The following PCDH15 variants were observed in gnomAD, a reference collection of about 807,000 sequenced individuals.
PCDH15 encodes protocadherin-15.
PCDH15 carries 129 observed loss-of-function variants against 178.5 expected under a neutral mutation model. The observed-to-expected ratio is 0.72, with a 90% CI of 0.63 to 0.84. The LOEUF is 0.84. Among genes scored for constraint, PCDH15 ranks in the 40% least tolerant of loss-of-function variants. The pLI is 0.00. For synonymous variants in PCDH15, 800 were observed against 732.0 expected, an observed-to-expected ratio of 1.09 and a Z score of -1.50; for missense variants, 2,230 against 2,099.9, an observed-to-expected ratio of 1.06 and a Z score of -1.21.
chr10:55,281,583 A>G (rs1842734707), intron 1 of PCDH15, among the ~76,000 whole-genome samples: 1 of 151,662 alleles, frequency 6.6e-6, no homozygotes, highest in Admixed American at 6.6e-5. Flanking sequence ...TTTAACTCTT[A>G]TTTTTTCACA....
intron 2 of PCDH15, among the ~76,000 whole-genome samples, chr10:55,125,273 T>G (rs1837870876): frequency 1.3e-5 from 2 of 151,678 alleles, no homozygotes; most frequent in African/African-American, 2.4e-5. Flanking sequence ...GTACCATTAC[T>G]GCATCTGAAG....
At chr10:54,631,981 T>C (rs893758753) in intron 2 of PCDH15, among the ~76,000 whole-genome samples, 2 of 152,016 alleles carry the variant, frequency 1.3e-5, no homozygotes, top group African/African-American at 4.8e-5. Context: ...CAATTCAAAA[T>C]GAGATTTTGG....
intron 3 of PCDH15, among the ~76,000 whole-genome samples, chr10:54,439,016 C>T (rs1253249857): frequency 6.6e-6 from 1 of 151,984 alleles, no homozygotes; most frequent in East Asian, 1.9e-4. Flanking sequence ...AAAGACTTAA[C>T]TATTCTTCTG....
At chr10:54,517,408 A>G (rs1201349385) in intron 3 of PCDH15, among the ~76,000 whole-genome samples, 4 of 152,190 alleles carry the variant, frequency 2.6e-5, no homozygotes, top group African/African-American at 9.7e-5. Flanking sequence ...AGGAGTTGCA[A>G]TCCTAGTCTC....
intron 15 of PCDH15, among the ~76,000 whole-genome samples, chr10:54,127,836 T>A (rs1443682920): frequency 6.6e-6 from 1 of 152,228 alleles, no homozygotes; most frequent in Non-Finnish European, 1.5e-5. Context: ...GTAGCTGGCT[T>A]CATCAATGAT....
At chr10:53,823,416 G>A (rs1454116382) in intron 32 of PCDH15, 2 of 1,487,524 alleles carry the variant, frequency 1.3e-6, no homozygotes, top group Non-Finnish European at 9.4e-7. Flanking sequence ...CAGCTTTCAT[G>A]AGAAAGATGT....
chr10:55,489,825 C>T (rs1840373868), intron 2 of PCDH15, among the ~76,000 whole-genome samples: 1 of 151,458 alleles, frequency 6.6e-6, no homozygotes, highest in African/African-American at 2.4e-5. Context: ...AACAAGTAAA[C>T]AATTTTAAAA....
At chr10:54,109,467 A>C (rs10825233) in intron 15 of PCDH15, among the ~76,000 whole-genome samples, 48,657 of 152,122 alleles carry the variant, frequency 0.32, 8,994 homozygotes, top group East Asian at 0.87. Context: ...TTGTGTATGC[A>C]TCCACAATGG....
chr10:55,173,154 A>G (rs1839385291), intron 1 of PCDH15, among the ~76,000 whole-genome samples: 1 of 151,976 alleles, frequency 6.6e-6, no homozygotes, highest in South Asian at 2.1e-4. Context: ...AACACTTTAG[A>G]ATTCCTTGCC....
intron 2 of PCDH15, among the ~76,000 whole-genome samples, chr10:55,370,733 T>C (rs1259227790): frequency 6.6e-6 from 1 of 152,152 alleles, no homozygotes; most frequent in African/African-American, 2.4e-5. Flanking sequence ...TAAGCCACAG[T>C]TGCTGAGCAG....
intron 4 of PCDH15, among the ~76,000 whole-genome samples, chr10:54,374,965 C>A (rs898304916): frequency 3.9e-5 from 6 of 151,960 alleles, no homozygotes; most frequent in Non-Finnish European, 7.4e-5. Context: ...TCTATTACAG[C>A]CATAATTATT....
At chr10:54,374,262 A>T (rs1274884455) in intron 4 of PCDH15, among the ~76,000 whole-genome samples, 4 of 152,080 alleles carry the variant, frequency 2.6e-5, no homozygotes, top group Non-Finnish European at 1.5e-5. Flanking sequence ...TTGAATGGAC[A>T]CTGGCCTGGG....
Position 54,026,819 on chromosome 10 carries a change from C to T in PCDH15, c.2221-3622G>A, listed in dbSNP as rs999544898. Among the ~76,000 whole-genome samples, 3 of 152,132 alleles carry T rather than the reference C, an allele frequency of 2.0e-5. No homozygotes were observed. In the East Asian group the frequency reaches 5.8e-4, roughly 29 times the overall value. On this transcript the variant is annotated intron_variant, in intron 18 of 37. Coordinates refer to ENST00000644397, the MANE Select transcript of PCDH15 (RefSeq NM_001384140.1). The stretch of plus-strand genomic sequence containing the variant: ...ATAATAAGAGCTATCTATGACAAAC[C>T]CACAGCCAGTATCATACTGAATGGG...
chr10:54,944,122 G>A (rs865891024), intron 2 of PCDH15, among the ~76,000 whole-genome samples: 5 of 151,838 alleles, frequency 3.3e-5, no homozygotes, highest in Non-Finnish European at 5.9e-5. Flanking sequence ...AAGCAAAGTG[G>A]GTGGCTGACA....
intron 1 of PCDH15, among the ~76,000 whole-genome samples, chr10:54,769,337 A>T (rs1434826131): frequency 1.9e-4 from 26 of 136,794 alleles, no homozygotes; most frequent in East Asian, 2.0e-4. Flanking sequence ...TTTTTTTTTT[A>T]AATCTCCCAC....
intron 1 of PCDH15, among the ~76,000 whole-genome samples, chr10:54,786,604 C>T (rs539219888): frequency 1.3e-5 from 2 of 151,854 alleles, no homozygotes; most frequent in East Asian, 1.9e-4. Flanking sequence ...CAGGTCAGTA[C>T]TGTTGGGAAT....
intron 2 of PCDH15, among the ~76,000 whole-genome samples, chr10:55,045,256 C>T (rs148838726): frequency 5.3e-5 from 8 of 152,100 alleles, no homozygotes; most frequent in African/African-American, 1.4e-4. Context: ...TCTTATAGAA[C>T]GTAGATGACT....
chr10:55,536,332 A>G (rs1244056963), intron 2 of PCDH15, among the ~76,000 whole-genome samples: 1 of 152,082 alleles, frequency 6.6e-6, no homozygotes, highest in Non-Finnish European at 1.5e-5. Context: ...TTATGCTCCA[A>G]AATTTGTCAG....
intron 28 of PCDH15, among the ~76,000 whole-genome samples, chr10:53,852,435 T>C (rs776058303): frequency 6.6e-6 from 1 of 152,070 alleles, no homozygotes; most frequent in Non-Finnish European, 1.5e-5. Context: ...TAAAAAGGTA[T>C]ATGTTTCCTT....
Sources: allele counts gnomAD v4.1 joint callset (sites outside exome capture counted in the v4.1 genomes callset), GRCh38; gene constraint gnomAD v4.1.1; transcripts MANE v1.5; gene names NCBI Gene and HGNC (gene_info 2026-07-23, HGNC 2026-07-21).